DCC: variants seen among roughly 807,000 people sequenced by gnomAD.
DCC encodes netrin receptor DCC.
Under a neutral mutation model 172.5 loss-of-function variants are expected in DCC, and 58 were observed. The ratio of observed to expected loss-of-function variants is 0.34; its 90% CI spans 0.27 to 0.42. The LOEUF is 0.42. Ranked by LOEUF, DCC falls within the 10% of genes least tolerant of loss-of-function variation. The pLI is 1.00. For missense variants in DCC, 1,740 were observed against 1,791.0 expected, an observed-to-expected ratio of 0.97 and a Z score of 0.51; for synonymous variants, 709 against 644.5, an observed-to-expected ratio of 1.10 and a Z score of -1.52.
chr18:52,600,197 T>G (rs1272420468), intron 1 of DCC, among the ~76,000 whole-genome samples: 1 of 152,204 alleles, frequency 6.6e-6, no homozygotes, highest in Non-Finnish European at 1.5e-5. Context: ...GTGTGAACTT[T>G]GAATGATTTG....
intron 17 of DCC, among the ~76,000 whole-genome samples, chr18:53,393,964 G>A (rs1416200040): frequency 6.7e-6 from 1 of 149,850 alleles, no homozygotes; most frequent in East Asian, 2.0e-4. Context: ...GATATGAGGA[G>A]GGTTAGAGAA....
At chr18:52,996,725 A>C (rs189247552) in intron 5 of DCC, among the ~76,000 whole-genome samples, 80 of 151,270 alleles carry the variant, frequency 5.3e-4, no homozygotes, top group Non-Finnish European at 9.3e-4. Flanking sequence ...CCACCTTGCC[A>C]CACACTCTAC....
chr18:53,067,793 A>G (rs576389005), intron 7 of DCC, among the ~76,000 whole-genome samples: 2 of 152,320 alleles, frequency 1.3e-5, no homozygotes, highest in Admixed American at 6.5e-5. Context: ...TCCTTTTGAC[A>G]TGGCTCGCTT....
At chr18:53,044,228 T>A (rs2042206769) in intron 5 of DCC, among the ~76,000 whole-genome samples, 1 of 151,848 alleles carries the variant, frequency 6.6e-6, no homozygotes. Context: ...CATGTTTGCT[T>A]GATGTATAAA....
intron 12 of DCC, among the ~76,000 whole-genome samples, chr18:53,293,026 G>C (rs1483164273): frequency 6.6e-6 from 1 of 152,118 alleles, no homozygotes; most frequent in Non-Finnish European, 1.5e-5. Flanking sequence ...TAAAATAAGA[G>C]CAAAACTTTG....
chr18:52,417,589 C>G (rs62083535), intron 1 of DCC, among the ~76,000 whole-genome samples: 42,863 of 151,990 alleles, frequency 0.28, 7,381 homozygotes, highest in Non-Finnish European at 0.4. Context: ...TCTTTTGTCT[C>G]TAAACTTCCC....
chr18:53,276,790 T>A (rs2144718670), intron 12 of DCC, among the ~76,000 whole-genome samples: 1 of 152,164 alleles, frequency 6.6e-6, no homozygotes, highest in East Asian at 1.9e-4. Flanking sequence ...TCTTTGACAT[T>A]TGGGTTTAAG....
At chr18:52,707,985 C>A (rs889075304) in intron 1 of DCC, among the ~76,000 whole-genome samples, 1 of 152,062 alleles carries the variant, frequency 6.6e-6, no homozygotes, top group East Asian at 1.9e-4. Context: ...TTGAAAATAG[C>A]TAAGAGGGTA....
chr18:52,843,047 G>GT (rs1450673345), intron 2 of DCC, among the ~76,000 whole-genome samples: 2 of 152,168 alleles, frequency 1.3e-5, no homozygotes, highest in Non-Finnish European at 2.9e-5. Flanking sequence ...TGGTATTCAT[G>GT]TGTAAGGTCA....
intron 7 of DCC, among the ~76,000 whole-genome samples, chr18:53,150,009 C>T (rs1325172825): frequency 6.6e-6 from 1 of 152,126 alleles, no homozygotes; most frequent in Non-Finnish European, 1.5e-5. Context: ...GCATTATTTC[C>T]CTTAGGAAGC....
chr18:52,620,642 C>A (rs1598963274), intron 1 of DCC, among the ~76,000 whole-genome samples: 2 of 151,740 alleles, frequency 1.3e-5, no homozygotes, highest in South Asian at 2.1e-4. Context: ...TTTTAAATTA[C>A]TTTTTAGTTA....
At chr18:53,247,433 G>A (rs1169154425) in intron 12 of DCC, among the ~76,000 whole-genome samples, 2 of 151,916 alleles carry the variant, frequency 1.3e-5, no homozygotes, top group Non-Finnish European at 2.9e-5. Flanking sequence ...AAATAGTGAA[G>A]ATTATTTTTA....
At position 53,397,393 on chromosome 18, in the gene DCC, A is replaced by C. The variant is rs776702468; in HGVS notation, c.2774A>C (p.Asn925Thr). ...MYEFSVMVTKNRRSSTWSMTA... is the reference protein window; with the variant it reads ...MYEFSVMVTKTRRSSTWSMTA... ...GAATTCTCGGTCATGGTAACAAAAA[A>C]CAGAAGGTCCAGTACTTGGAGCATG... is the stretch of plus-strand genomic sequence containing the variant. Residue 925 changes from asparagine to threonine, a missense_variant, in exon 18 of 29, where the codon AAC (asparagine) becomes ACC (threonine). Physicochemically the swap from Asn to Thr is moderately conservative, Grantham distance 65. This residue lies in a region of DCC where 1,732 missense variants were observed against 1,767.4 expected (regional missense o/e 0.98). Coordinates refer to ENST00000442544, the MANE Select transcript of DCC (RefSeq NM_005215.4). 18 of 1,613,912 alleles carry C rather than the reference A, an allele frequency of 1.1e-5. No homozygotes were observed. In the East Asian group the frequency reaches 4.0e-4, roughly 36 times the overall value.
At chr18:53,296,844 A>G (rs546636952) in intron 12 of DCC, among the ~76,000 whole-genome samples, 2 of 152,310 alleles carry the variant, frequency 1.3e-5, no homozygotes, top group East Asian at 3.9e-4. Flanking sequence ...GATTCCTGCT[A>G]TGTTCCAGCC....
chr18:52,660,510 C>T (rs2035339783), intron 1 of DCC, among the ~76,000 whole-genome samples: 1 of 152,074 alleles, frequency 6.6e-6, no homozygotes, highest in South Asian at 2.1e-4. Context: ...CTTGAAAAGT[C>T]AATCTAAAAG....
chr18:52,830,681 G>A (rs2038598102), intron 2 of DCC, among the ~76,000 whole-genome samples: 3 of 152,114 alleles, frequency 2.0e-5, no homozygotes, highest in African/African-American at 7.2e-5. Flanking sequence ...TGCTGTCATT[G>A]TTCTAGACTG....
intron 16 of DCC, 22 bp downstream of exon 16, chr18:53,386,160 C>T (rs749414922): frequency 2.8e-5 from 41 of 1,440,764 alleles, no homozygotes; most frequent in Non-Finnish European, 3.6e-5. Flanking sequence ...TGTTAATCTT[C>T]CTCTGACAAA....
intron 5 of DCC, among the ~76,000 whole-genome samples, chr18:53,034,590 C>T (rs1254555347): frequency 6.6e-6 from 1 of 152,016 alleles, no homozygotes; most frequent in Non-Finnish European, 1.5e-5. Context: ...GCAGTAGCCT[C>T]TCAGCTGATC....
intron 22 of DCC, among the ~76,000 whole-genome samples, chr18:53,437,074 A>G (rs1477069494): frequency 6.6e-6 from 1 of 152,164 alleles, no homozygotes; most frequent in East Asian, 1.9e-4. Context: ...AGGTTTCAAC[A>G]TAAGAATTTT....
Sources: allele counts gnomAD v4.1 joint callset (sites outside exome capture counted in the v4.1 genomes callset), GRCh38; gene constraint gnomAD v4.1.1; regional missense constraint gnomAD v4.1.1; transcripts MANE v1.5; gene names NCBI Gene and HGNC (gene_info 2026-07-23, HGNC 2026-07-21).